NIPAL2: variants seen among roughly 807,000 people sequenced by gnomAD.
The protein encoded by NIPAL2 is NIPA like domain containing 2.
A neutral mutation model predicts 48.9 loss-of-function variants in NIPAL2; 43 were observed. The ratio of observed to expected loss-of-function variants is 0.88; its 90% confidence interval spans 0.69 to 1.13. The LOEUF (loss-of-function observed/expected upper bound fraction) is 1.13. Ranked by LOEUF, NIPAL2 falls within the 50% of genes most tolerant of loss-of-function variation. The pLI is 0.00. For missense variants in NIPAL2, 446 were observed against 461.4 expected (o/e 0.97, Z 0.31); for synonymous variants, 167 against 174.6 (o/e 0.96, Z 0.34).
At chr8:98,194,974 T>A in intron 9 of NIPAL2, 152 bp from the exon 10 acceptor site, 1 of 451,626 alleles carries the variant, frequency 2.2e-6, no homozygotes, top group Non-Finnish European at 3.9e-6. Flanking sequence ...TTGTCTTAAT[T>A]AGCACAGCCA....
intron 1 of NIPAL2, among the ~76,000 whole-genome samples, chr8:98,259,051 G>A (rs965711864): frequency 4.2e-5 from 6 of 142,986 alleles, no homozygotes; most frequent in Non-Finnish European, 9.0e-5. Context: ...GCATTATGCT[G>A]CTGTTCCTTT....
At chr8:98,266,726 G>A (rs1284389928) in intron 1 of NIPAL2, among the ~76,000 whole-genome samples, 2 of 151,582 alleles carry the variant, frequency 1.3e-5, no homozygotes, top group Non-Finnish European at 2.9e-5. Flanking sequence ...TTACACATGC[G>A]AGCAAAAACA....
intron 1 of NIPAL2, among the ~76,000 whole-genome samples, chr8:98,272,240 T>C (rs550601653): frequency 1.8e-4 from 27 of 152,292 alleles, no homozygotes; most frequent in African/African-American, 6.5e-4. Context: ...CAGGACCTCA[T>C]GATTGATGTT....
chr8:98,293,726 G>T (rs895786964), intron 1 of NIPAL2, among the ~76,000 whole-genome samples: 3 of 152,246 alleles, frequency 2.0e-5, no homozygotes, highest in Non-Finnish European at 2.9e-5. Context: ...GGACCCGGAG[G>T]TCCCAGGAAC....
chr8:98,218,493 A>G (rs1811686788), intron 5 of NIPAL2, among the ~76,000 whole-genome samples: 3 of 152,178 alleles, frequency 2.0e-5, no homozygotes, highest in South Asian at 2.1e-4. Context: ...GGGAAGCCCA[A>G]TCTTAAAGCC....
intron 4 of NIPAL2, 59 bp downstream of exon 4, chr8:98,236,096 G>A (rs1812697831): frequency 3.4e-6 from 4 of 1,181,450 alleles, no homozygotes; most frequent in Non-Finnish European, 5.0e-6. Flanking sequence ...TTTATGGATT[G>A]TATTATTTAT....
At chr8:98,215,022 C>T (rs1210667128) in intron 5 of NIPAL2, among the ~76,000 whole-genome samples, 1 of 152,218 alleles carries the variant, frequency 6.6e-6, no homozygotes, top group East Asian at 1.9e-4. Flanking sequence ...CCATTTCTCG[C>T]ATGAGACAAT....
At chr8:98,238,942 T>C (rs1812851979) in intron 3 of NIPAL2, among the ~76,000 whole-genome samples, 1 of 152,134 alleles carries the variant, frequency 6.6e-6, no homozygotes, top group Admixed American at 6.5e-5. Context: ...GAAAAGGTAT[T>C]AAAAACCCAA....
chr8:98,265,917 T>C (rs1345994500), intron 1 of NIPAL2, among the ~76,000 whole-genome samples: 15 of 151,536 alleles, frequency 9.9e-5, no homozygotes, highest in East Asian at 3.9e-4. Flanking sequence ...ATTAAGAAAA[T>C]GTGGCACATA....
In NIPAL2 at chr8:98,280,767, G is replaced by T. The variant is rs1465962056; in HGVS notation, c.135+13236C>A. ...ATATATATATATATATATATAGAGAGAGAGAGAGAGAGAGAGAGAGAGAGA... is the reference window on the plus strand; with the variant it reads ...ATATATATATATATATATATAGAGATAGAGAGAGAGAGAGAGAGAGAGAGA... On this transcript the variant is annotated intron_variant, in intron 1 of 10. Transcript: ENST00000430223. 3.4e-3 allele frequency among the ~76,000 whole-genome samples: 234 copies of T among 68,158 alleles called. 1 individual carries two copies. The highest frequency in any genetic ancestry group is 6.3e-3 in the South Asian group (13 of 2,074). 44.7% of individuals were successfully genotyped at this position (68,158 alleles called of 152,430 possible).
In NIPAL2 at chr8:98,189,908, C is replaced by G. The variant is rs960593445; in HGVS notation, c.*3070G>C. ...GTATTACAGTTACAGGGCAAGCAAACATTTAAGCCAAAAAACAATCATATG... is the reference window on the plus strand; with the variant it reads ...GTATTACAGTTACAGGGCAAGCAAAGATTTAAGCCAAAAAACAATCATATG... On this transcript the variant is annotated 3_prime_UTR_variant, in exon 11 of 11. Transcript: ENST00000430223. 6.6e-6 allele frequency: 1 copy of G among 152,160 alleles called. No homozygotes were observed. Among genetic ancestry groups the G allele is most frequent in the Non-Finnish European group, 1.5e-5 (1 of 68,038 alleles). 9.4% of individuals were successfully genotyped at this position (152,160 alleles called of 1,614,324 possible). A position where few individuals can be genotyped will look rare whatever the true frequency, so the allele number is the denominator to read the frequency against.
chr8:98,281,983 A>G (rs1468731767), intron 1 of NIPAL2, among the ~76,000 whole-genome samples: 2 of 152,214 alleles, frequency 1.3e-5, no homozygotes, highest in Non-Finnish European at 2.9e-5. Context: ...CACTCTCTCC[A>G]TCTCAAGATC....
intron 6 of NIPAL2, among the ~76,000 whole-genome samples, chr8:98,211,739 T>TGTGTGTGTGTGTGC: frequency 6.7e-6 from 1 of 148,982 alleles, no homozygotes; most frequent in African/African-American, 2.5e-5. Context: ...AGAAAGTGTG[T>TGTGTGTGTGTGTGC]GTGTGTGTGT....
chr8:98,244,486 G>A (rs61283790), intron 3 of NIPAL2, among the ~76,000 whole-genome samples: 1 of 132,398 alleles, frequency 7.6e-6, no homozygotes, highest in Non-Finnish European at 1.6e-5. Flanking sequence ...TAATGATGAG[G>A]GGGTGGGTTG....
In NIPAL2 at chr8:98,191,113, G is replaced by A. The variant is rs1586274802; in HGVS notation, c.*1865C>T. On this transcript the variant is annotated 3_prime_UTR_variant, in exon 11 of 11. Coordinates refer to ENST00000430223, the MANE Select transcript of NIPAL2 (RefSeq NM_001321635.2). ...GATGCAACTGTTGGCGGCTGCTAAAGTACTGGTGTTATGCTTGTGCCTGTG... is the reference window on the plus strand; with the variant it reads ...GATGCAACTGTTGGCGGCTGCTAAAATACTGGTGTTATGCTTGTGCCTGTG... 6.6e-6 allele frequency: 1 copy of A among 152,224 alleles called. No individual in the cohort carries two copies. Among genetic ancestry groups the A allele is most frequent in the Non-Finnish European group, 1.5e-5 (1 of 68,044 alleles). The allele number at this position is 152,224 out of a possible 1,614,324, so 9.4% of individuals were successfully genotyped here.
intron 8 of NIPAL2, 54 bp from the exon 9 acceptor site, chr8:98,196,059 T>C (rs1810529021): frequency 9.7e-7 from 1 of 1,034,122 alleles, no homozygotes; most frequent in Non-Finnish European, 1.4e-6. Flanking sequence ...TTATTTATAA[T>C]AGCTAAATAT....
chr8:98,270,018 A>G (rs1231760301), intron 1 of NIPAL2, among the ~76,000 whole-genome samples: 1 of 152,000 alleles, frequency 6.6e-6, no homozygotes, highest in African/African-American at 2.4e-5. Context: ...ACATGATTTC[A>G]TTCTTTTTTT....
At chr8:98,281,791 A>T (rs1208081810) in intron 1 of NIPAL2, among the ~76,000 whole-genome samples, 1 of 152,214 alleles carries the variant, frequency 6.6e-6, no homozygotes, top group East Asian at 1.9e-4. Context: ...TAGGGTAGGG[A>T]CTGTACTTGT....
intron 6 of NIPAL2, among the ~76,000 whole-genome samples, chr8:98,209,306 C>T (rs1811190463): frequency 6.6e-6 from 1 of 151,826 alleles, no homozygotes; most frequent in African/African-American, 2.4e-5. Flanking sequence ...AGAGAAGAAC[C>T]AGTTTTATTA....
Sources: allele counts gnomAD v4.1 joint callset (sites outside exome capture counted in the v4.1 genomes callset), GRCh38; gene constraint gnomAD v4.1.1; transcripts MANE v1.5; gene names NCBI Gene and HGNC (gene_info 2026-07-23, HGNC 2026-07-21).